The following CNTNAP2 variants were observed in gnomAD, a reference collection of about 807,000 sequenced individuals.
CNTNAP2 encodes the protein contactin associated protein 2.
Under a neutral mutation model 155.2 loss-of-function variants are expected in CNTNAP2, and 98 were observed. That is an observed-to-expected ratio of 0.63 (90% CI 0.54 to 0.75). The LOEUF (loss-of-function observed/expected upper bound fraction) is 0.75, where lower values mean the gene tolerates loss of function less well. Ranked by LOEUF, CNTNAP2 falls within the 30% of genes least tolerant of loss-of-function variation. The pLI is 0.00. For missense variants in CNTNAP2, 1,727 were observed against 1,688.1 expected (o/e 1.02, Z -0.40); for synonymous variants, 651 against 631.2 (o/e 1.03, Z -0.47).
chr7:147,942,775 C>A (rs554127738), intron 14 of CNTNAP2, among the ~76,000 whole-genome samples: 2 of 152,140 alleles, frequency 1.3e-5, no homozygotes, highest in Non-Finnish European at 1.5e-5. Context: ...CAGTGGCTCA[C>A]GCCCGTAATC....
intron 15 of CNTNAP2, among the ~76,000 whole-genome samples, chr7:148,083,759 C>T (rs1426294375): frequency 6.6e-6 from 1 of 152,154 alleles, no homozygotes; most frequent in African/African-American, 2.4e-5. Flanking sequence ...TTTGGAGACT[C>T]ACACTTTCTG....
chr7:147,560,309 T>A (rs1258783116), intron 11 of CNTNAP2, among the ~76,000 whole-genome samples: 11 of 152,198 alleles, frequency 7.2e-5, no homozygotes, highest in Non-Finnish European at 1.2e-4. Flanking sequence ...CCTTTTGAAT[T>A]ACTTCCCTAA....
At chr7:146,293,151 T>C (rs1445689053) in intron 1 of CNTNAP2, among the ~76,000 whole-genome samples, 1 of 152,036 alleles carries the variant, frequency 6.6e-6, no homozygotes, top group Non-Finnish European at 1.5e-5. Context: ...AAAAAATAAA[T>C]GAAATAAAAT....
In CNTNAP2 at chr7:147,889,373, T is replaced by C. The variant is rs146538105; in HGVS notation, c.2099-14192T>C. ...AATTAAAAAGAAAAACTATGTGCTG[T>C]ACACAAGAGATATTAAAAACATTAA... is the stretch of plus-strand genomic sequence containing the variant. On this transcript the variant is annotated intron_variant, in intron 13 of 23. Coordinates refer to ENST00000361727, the MANE Select transcript of CNTNAP2 (RefSeq NM_014141.6). Among the ~76,000 whole-genome samples the C allele has an allele frequency of 3.4e-3, 512 of 152,082 alleles. 22 individuals are homozygous for C. In the South Asian group the frequency reaches 0.089, roughly 26 times the overall value.
intron 1 of CNTNAP2, among the ~76,000 whole-genome samples, chr7:146,718,801 A>C (rs1424299182): frequency 6.6e-6 from 1 of 151,258 alleles, no homozygotes; most frequent in Non-Finnish European, 1.5e-5. Flanking sequence ...TCTTTCTCCA[A>C]GAAGTTTGCT....
chr7:147,030,631 G>A (rs942115891), intron 3 of CNTNAP2, among the ~76,000 whole-genome samples: 9 of 151,688 alleles, frequency 5.9e-5, no homozygotes, highest in East Asian at 5.8e-4. Context: ...CAATTTGTTC[G>A]CTTATAAATG....
intron 21 of CNTNAP2, among the ~76,000 whole-genome samples, chr7:148,318,283 G>GC (rs1445593789): frequency 5.3e-5 from 8 of 152,126 alleles, no homozygotes; most frequent in Admixed American, 5.2e-4. Flanking sequence ...CCCGGCTGTC[G>GC]CCTGCTTGGC....
Position 147,680,588 on chromosome 7 carries a change from G to A in CNTNAP2, c.2098+41282G>A, listed in dbSNP as rs985007149. Among the ~76,000 whole-genome samples the A allele has an allele frequency of 6.6e-5, 10 of 151,936 alleles. No individual in the cohort carries two copies. In the East Asian group the frequency reaches 7.8e-4, roughly 12 times the overall value. ...GGAGTAGATTCAGGAAACCTAAGCC[G>A]TTGATGTTTACCAGTTATACAAAAG... On this transcript the variant is annotated intron_variant, in intron 13 of 23. Transcript: ENST00000361727.
At chr7:147,254,819 A>G (rs570914251) in intron 8 of CNTNAP2, among the ~76,000 whole-genome samples, 1 of 152,296 alleles carries the variant, frequency 6.6e-6, no homozygotes, top group African/African-American at 2.4e-5. Flanking sequence ...AAACGCTGTA[A>G]TCTTCTCTAG....
chr7:148,362,830 G>A (rs1563057746), intron 21 of CNTNAP2, among the ~76,000 whole-genome samples: 4 of 152,172 alleles, frequency 2.6e-5, no homozygotes, highest in African/African-American at 4.8e-5. Flanking sequence ...TACACAGATG[G>A]TCTCCAACTT....
intron 20 of CNTNAP2, among the ~76,000 whole-genome samples, chr7:148,266,618 G>A (rs201501355): frequency 8.3e-4 from 115 of 139,204 alleles, no homozygotes; most frequent in African/African-American, 2.8e-3. Flanking sequence ...GTGTGTGTAT[G>A]TGTGTGTGTG....
chr7:146,551,443 C>G (rs551453859), intron 1 of CNTNAP2, among the ~76,000 whole-genome samples: 4 of 152,026 alleles, frequency 2.6e-5, no homozygotes, highest in Non-Finnish European at 5.9e-5. Flanking sequence ...CCAGCTTCAT[C>G]CATGTCCCTA....
At chr7:146,565,173 G>A (rs189428962) in intron 1 of CNTNAP2, among the ~76,000 whole-genome samples, 8 of 151,798 alleles carry the variant, frequency 5.3e-5, no homozygotes, top group African/African-American at 1.7e-4. Flanking sequence ...ACGACATTAA[G>A]GGCAAGATAT....
intron 8 of CNTNAP2, among the ~76,000 whole-genome samples, chr7:147,172,315 A>T (rs1164739910): frequency 6.6e-6 from 1 of 152,204 alleles, no homozygotes; most frequent in Admixed American, 6.5e-5. Flanking sequence ...ATTTAACTTT[A>T]AAAATGTCAA....
chr7:147,189,435 G>A (rs531723933), intron 8 of CNTNAP2, among the ~76,000 whole-genome samples: 1 of 152,144 alleles, frequency 6.6e-6, no homozygotes, highest in South Asian at 2.1e-4. Flanking sequence ...TTCCTACAAT[G>A]TACAGATAGG....
chr7:147,764,945 G>T (rs1488168690), intron 13 of CNTNAP2, among the ~76,000 whole-genome samples: 1 of 152,090 alleles, frequency 6.6e-6, no homozygotes, highest in Non-Finnish European at 1.5e-5. Flanking sequence ...TAAACATAGA[G>T]CCCTCTTTTG....
intron 1 of CNTNAP2, among the ~76,000 whole-genome samples, chr7:146,410,118 A>T (rs917625793): frequency 6.6e-6 from 1 of 152,148 alleles, no homozygotes; most frequent in Non-Finnish European, 1.5e-5. Flanking sequence ...ACTTTCCCGT[A>T]TTTATTTTGA....
chr7:146,562,263 G>A (rs1798290915), intron 1 of CNTNAP2, among the ~76,000 whole-genome samples: 1 of 151,350 alleles, frequency 6.6e-6, no homozygotes, highest in African/African-American at 2.4e-5. Flanking sequence ...TTTTCTTTTT[G>A]GGAAAATGAT....
At position 147,716,462 on chromosome 7, in the gene CNTNAP2, T is replaced by A. The variant is rs1796482760; in HGVS notation, c.2098+77156T>A. On this transcript the variant is annotated intron_variant, in intron 13 of 23. Transcript: ENST00000361727. The stretch of plus-strand genomic sequence containing the variant: ...GTTAGGACTAAGTGTGCCATTGGCA[T>A]AGGGCGCAAATTTCTGGCAGCTCCC... Among the ~76,000 whole-genome samples the A allele has an allele frequency of 3.3e-5, 5 of 152,070 alleles. No homozygotes were observed. In the South Asian group the frequency reaches 1.0e-3, roughly 31 times the overall value.
Sources: gnomAD v4.1 joint callset for allele counts (sites outside exome capture counted in the v4.1 genomes callset) on GRCh38, gnomAD v4.1.1 for gene constraint, MANE v1.5 for transcripts, NCBI Gene and HGNC (gene_info 2026-07-23, HGNC 2026-07-21) for gene names.